VRK3: variants seen among roughly 807,000 people sequenced by gnomAD.
VRK3 encodes the protein serine/threonine-protein kinase VRK3.
In VRK3, 50 loss-of-function variants were observed where a neutral mutation model predicts 60.4. The observed-to-expected ratio is 0.83, with a 90% CI of 0.66 to 1.05. VRK3 has a LOEUF of 1.05. Among genes scored for constraint, VRK3 ranks in the 50% least tolerant of loss-of-function variants. The probability of loss-of-function intolerance (pLI) is 0.00; values close to 1 mark genes in which losing one functional copy is unlikely to be tolerated. For synonymous variants in VRK3, 246 were observed against 227.8 expected (o/e 1.08, Z -0.72); for missense variants, 549 against 585.3 (o/e 0.94, Z 0.64).
chr19:49,984,484 C>A (rs567169491), intron 12 of VRK3, among the ~76,000 whole-genome samples: 8 of 152,312 alleles, frequency 5.3e-5, no homozygotes, highest in Admixed American at 1.3e-4. Context: ...TCCACCCTCA[C>A]CTGCAGCTCC....
chr19:49,986,649 G>T lies in VRK3; in HGVS notation c.1217+1723C>A, dbSNP rs370841101. On this transcript the variant is annotated intron_variant, in intron 12 of 14. Coordinates refer to ENST00000316763, the MANE Select transcript of VRK3 (RefSeq NM_016440.4). ...AAGGGAGTAAAATAAAACGAGAAAG[G>T]CTTCATGTGAGGGAAGGACTGGGAA... 5 of 152,378 alleles carry T rather than the reference G, an allele frequency of 3.3e-5. No individual in the cohort carries two copies. In the South Asian group the frequency reaches 1.0e-3, roughly 32 times the overall value. The allele number at this position is 152,378 out of a possible 1,614,324, so 9.4% of individuals were successfully genotyped here.
intron 1 of VRK3, chr19:50,024,884 C>A (rs1013260814): frequency 6.6e-6 from 1 of 152,230 alleles, no homozygotes; most frequent in African/African-American, 2.4e-5. Flanking sequence ...CAGGAAACAG[C>A]ACAGCAAAAA....
chr19:50,016,172 CAG>C lies in VRK3; in HGVS notation c.-1-11_-1-10del, dbSNP rs1243298106. The C allele has an allele frequency of 6.2e-7, 1 of 1,613,744 alleles. No homozygotes were observed. The highest frequency in any genetic ancestry group is 1.3e-5 in the African/African-American group (1 of 74,938). ...GACAGAAGGAGATCATGCTACAAAA[CAG>C]AATGAACAAACACAAAGTGAAACGG... On this transcript the variant is annotated splice_polypyrimidine_tract_variant and intron_variant, in intron 2 of 14. Coordinates refer to ENST00000316763, the MANE Select transcript of VRK3 (RefSeq NM_016440.4).
chr19:50,021,252 C>T (rs574356470), intron 1 of VRK3, among the ~76,000 whole-genome samples: 1 of 152,318 alleles, frequency 6.6e-6, no homozygotes, highest in East Asian at 1.9e-4. Context: ...CCTGTGTGCT[C>T]TTTGGAACCT....
intron 5 of VRK3, 156 bp from the exon 6 acceptor site, chr19:50,001,010 T>C (rs1384212419): frequency 6.3e-6 from 4 of 631,514 alleles, no homozygotes; most frequent in Non-Finnish European, 1.1e-5. Context: ...TTCCTAGTTT[T>C]AAATAAGCTT....
intron 1 of VRK3, among the ~76,000 whole-genome samples, chr19:50,024,190 G>C (rs558486926): frequency 1.3e-5 from 2 of 152,068 alleles, no homozygotes; most frequent in African/African-American, 4.8e-5. Context: ...CGCCCACCTC[G>C]GTCTCCTAAA....
intron 14 of VRK3, among the ~76,000 whole-genome samples, chr19:49,978,154 A>G (rs73932218): frequency 0.054 from 8,210 of 152,168 alleles, 732 homozygotes; most frequent in African/African-American, 0.19. Flanking sequence ...ACCGTGCTGC[A>G]TGTCACAGGA....
At chr19:49,985,963 A>G (rs191357142) in intron 12 of VRK3, among the ~76,000 whole-genome samples, 39 of 152,326 alleles carry the variant, frequency 2.6e-4, no homozygotes, top group African/African-American at 9.4e-4. Context: ...GCCACAGATC[A>G]CGAGAGCACG....
At chr19:49,984,291 CG>C (rs1217580567) in intron 12 of VRK3, among the ~76,000 whole-genome samples, 1 of 152,138 alleles carries the variant, frequency 6.6e-6, no homozygotes, top group Non-Finnish European at 1.5e-5. Context: ...GCACTGAATG[CG>C]TAAGTGGAGA....
At chr19:50,005,497 G>C (rs890701835) in intron 5 of VRK3, among the ~76,000 whole-genome samples, 1 of 149,654 alleles carries the variant, frequency 6.7e-6, no homozygotes. Flanking sequence ...ATAAAATGGG[G>C]ATAGGGATAG....
At chr19:49,991,205 G>A (rs966384690) in intron 10 of VRK3, among the ~76,000 whole-genome samples, 2 of 152,132 alleles carry the variant, frequency 1.3e-5, no homozygotes, top group Non-Finnish European at 1.5e-5. Context: ...TGAACATTGG[G>A]GTTTGTAGAC....
At chr19:49,981,575 T>C (rs2076423003) in intron 12 of VRK3, 1 of 556,332 alleles carries the variant, frequency 1.8e-6, no homozygotes, top group African/African-American at 2.0e-5. Flanking sequence ...CAATACACCT[T>C]GTTTTATGTA....
chr19:50,012,528 T>C (rs926215546), intron 3 of VRK3, among the ~76,000 whole-genome samples: 2 of 152,132 alleles, frequency 1.3e-5, no homozygotes, highest in African/African-American at 2.4e-5. Flanking sequence ...CCCATACATA[T>C]TTGCCATCTG....
intron 13 of VRK3, among the ~76,000 whole-genome samples, chr19:49,980,548 T>A (rs976429318): frequency 6.6e-5 from 10 of 152,144 alleles, no homozygotes; most frequent in African/African-American, 2.4e-4. Flanking sequence ...AAACCCCGTC[T>A]CTACTAAAAA....
intron 13 of VRK3, among the ~76,000 whole-genome samples, chr19:49,980,513 C>T (rs1230872705): frequency 1.3e-5 from 2 of 151,826 alleles, no homozygotes; most frequent in Non-Finnish European, 2.9e-5. Context: ...GCCAGGGGTT[C>T]GAGACCAGCC....
Position 50,025,364 on chromosome 19 carries a change from A to G in VRK3, c.-162T>C, listed in dbSNP as rs2077255834. 1 of 152,162 alleles carries G rather than the reference A, an allele frequency of 6.6e-6. No homozygotes were observed. The highest frequency in any genetic ancestry group is 2.1e-4 in the South Asian group (1 of 4,764). The allele number at this position is 152,162 out of a possible 1,614,324, so 9.4% of individuals were successfully genotyped here. ...GACTCACCTTCTCAGTTGCCCAGCG[A>G]AAACTTCCGCTGGGCGGAGAGCGCT... On this transcript the variant is annotated 5_prime_UTR_variant, in exon 1 of 15. Coordinates refer to ENST00000316763, the MANE Select transcript of VRK3 (RefSeq NM_016440.4).
chr19:50,005,995 T>C (rs1013394820), intron 5 of VRK3, among the ~76,000 whole-genome samples: 2 of 149,126 alleles, frequency 1.3e-5, no homozygotes, highest in Non-Finnish European at 1.5e-5. Context: ...TTGCACCCTT[T>C]AAAAGAATGA....
chr19:50,019,158 C>T (rs1379992883), intron 2 of VRK3: 1 of 139,230 alleles, frequency 7.2e-6, no homozygotes, highest in Non-Finnish European at 1.6e-5. Context: ...GAGCGAGACT[C>T]CGTCTCTAAA....
chr19:49,984,913 C>T (rs572516217), intron 12 of VRK3, among the ~76,000 whole-genome samples: 6 of 152,300 alleles, frequency 3.9e-5, no homozygotes, highest in South Asian at 4.1e-4. Flanking sequence ...CGTGAGCCAC[C>T]GCACCAGATC....
Sources: allele counts gnomAD v4.1 joint callset (sites outside exome capture counted in the v4.1 genomes callset), GRCh38; gene constraint gnomAD v4.1.1; transcripts MANE v1.5; gene names NCBI Gene and HGNC (gene_info 2026-07-23, HGNC 2026-07-21).